Variants in ART3 observed in about 807,000 individuals in gnomAD.
ART3 encodes ADP-ribosyltransferase 3 (inactive).
In ART3, 49 loss-of-function variants were observed where a neutral mutation model predicts 48.5. The ratio of observed to expected loss-of-function variants is 1.01; its 90% CI spans 0.80 to 1.28. ART3 has a LOEUF of 1.28. Ranked by LOEUF, ART3 falls within the 50% of genes most tolerant of loss-of-function variation. ART3 has a pLI of 0.00. For synonymous variants in ART3, 145 were observed against 157.2 expected (o/e 0.92, Z 0.58); for missense variants, 438 against 454.3 (o/e 0.96, Z 0.33).
At chr4:76,052,501 C>A (rs1736209086) in intron 1 of ART3, among the ~76,000 whole-genome samples, 4 of 152,078 alleles carry the variant, frequency 2.6e-5, no homozygotes, top group African/African-American at 7.2e-5. Context: ...AATTTTGTTA[C>A]ATGGATATAT....
At chr4:76,048,750 C>T (rs569630598) in intron 1 of ART3, among the ~76,000 whole-genome samples, 5 of 152,064 alleles carry the variant, frequency 3.3e-5, no homozygotes, top group African/African-American at 4.8e-5. Context: ...AATGCATTCT[C>T]GAAAACCTGC....
intron 3 of ART3, among the ~76,000 whole-genome samples, chr4:76,092,450 T>C (rs1725107689): frequency 6.6e-6 from 1 of 152,226 alleles, no homozygotes; most frequent in Non-Finnish European, 1.5e-5. Context: ...ACAAATTTAC[T>C]GTTCCTCTGT....
Position 76,096,159 on chromosome 4 carries a change from G to A in ART3, c.782-1485G>A, listed in dbSNP as rs185459030. On this transcript the variant is annotated intron_variant, in intron 3 of 11. Coordinates refer to ENST00000355810, the MANE Select transcript of ART3 (RefSeq NM_001130016.3). ...GCTGGTGTCTAACTCCTGACCTCAG[G>A]TGATCCACCCGCCCTTGGTCTCCCA... is the stretch of plus-strand genomic sequence containing the variant. Among the ~76,000 whole-genome samples the A allele has an allele frequency of 2.4e-3, 359 of 152,268 alleles. 2 individuals carry two copies. Among genetic ancestry groups the A allele is most frequent in the Non-Finnish European group, 4.1e-3 (277 of 68,022 alleles).
intron 1 of ART3, among the ~76,000 whole-genome samples, chr4:76,066,825 A>G (rs1719781282): frequency 1.3e-5 from 2 of 152,108 alleles, no homozygotes; most frequent in South Asian, 4.1e-4. Context: ...ACTACTCATG[A>G]CGCCCAGGCT....
chr4:76,047,453 A>AG (rs1735617591), intron 1 of ART3, among the ~76,000 whole-genome samples: 2 of 151,944 alleles, frequency 1.3e-5, no homozygotes, highest in South Asian at 4.2e-4. Context: ...CTTACCCCCG[A>AG]GTGATTCAGG....
chr4:76,043,192 T>C (rs888019924), intron 1 of ART3, among the ~76,000 whole-genome samples: 3 of 152,042 alleles, frequency 2.0e-5, no homozygotes, highest in Non-Finnish European at 4.4e-5. Flanking sequence ...ATAAAGGTTC[T>C]CCACGTCCCC....
At chr4:76,096,595 G>A (rs1726063583) in intron 3 of ART3, among the ~76,000 whole-genome samples, 2 of 152,104 alleles carry the variant, frequency 1.3e-5, no homozygotes, top group Non-Finnish European at 2.9e-5. Context: ...CTTCCGTATG[G>A]CTCATACTGC....
At chr4:76,072,188 C>A (rs1022175641), upstream of ART3, among the ~76,000 whole-genome samples, 1 of 152,210 alleles carries the variant, frequency 6.6e-6, no homozygotes, top group Non-Finnish European at 1.5e-5. Context: ...TCTGAGATTA[C>A]AAACACTTTA....
At chr4:76,021,979 T>G (rs565041219) in intron 1 of ART3, 1 of 1,589,928 alleles carries the variant, frequency 6.3e-7, no homozygotes, top group African/African-American at 1.3e-5. Context: ...TATAAAAGTG[T>G]GATAGTCTGA....
intron 1 of ART3, among the ~76,000 whole-genome samples, chr4:76,046,083 A>G (rs1237417504): frequency 6.7e-6 from 1 of 150,104 alleles, no homozygotes; most frequent in Non-Finnish European, 1.5e-5. Context: ...TCATCCACAT[A>G]TTGAAGGACC....
intron 11 of ART3, 126 bp downstream of exon 11, chr4:76,107,919 G>A (rs761311750): frequency 1.9e-5 from 13 of 690,638 alleles, no homozygotes; most frequent in South Asian, 1.4e-4. Context: ...TAATAACAGA[G>A]TATAATGTCA....
intron 1 of ART3, among the ~76,000 whole-genome samples, chr4:76,039,051 C>A (rs560721217): frequency 6.6e-6 from 1 of 151,732 alleles, no homozygotes; most frequent in South Asian, 2.1e-4. Context: ...AACAAGTTAC[C>A]TCAACTTTTT....
At chr4:76,044,289 C>T (rs1236755650) in intron 1 of ART3, among the ~76,000 whole-genome samples, 7 of 152,098 alleles carry the variant, frequency 4.6e-5, no homozygotes, top group South Asian at 2.1e-4. Flanking sequence ...ATACTATCCC[C>T]GACTGGTTAG....
intron 1 of ART3, among the ~76,000 whole-genome samples, chr4:76,037,327 G>A (rs1578265527): frequency 6.6e-6 from 1 of 152,114 alleles, no homozygotes; most frequent in Admixed American, 6.5e-5. Context: ...TATCAAAGGA[G>A]CTTTCTAATG....
chr4:76,025,539 T>C (rs989368069), intron 1 of ART3, among the ~76,000 whole-genome samples: 2 of 152,238 alleles, frequency 1.3e-5, no homozygotes, highest in African/African-American at 4.8e-5. Flanking sequence ...ATTGACCATA[T>C]TGACTCATTT....
chr4:76,040,448 A>ACACGCG lies in ART3; in HGVS notation c.-10+29131_-10+29132insGCGCAC, dbSNP rs766890498. Among the ~76,000 whole-genome samples the ACACGCG allele has an allele frequency of 6.1e-4, 90 of 146,504 alleles. 1 individual carries two copies. The East Asian group carries it at 8.3e-3, about 14-fold the overall frequency. On this transcript the variant is annotated intron_variant, in intron 1 of 9. Coordinates refer to the ART3 transcript ENST00000341029. ...GCACATACACTGGATACACACACAC[A>ACACGCG]CACACACACACACACACACACACAC...
At chr4:76,069,826 TTTATA>T (rs769012290), upstream of ART3, among the ~76,000 whole-genome samples, 5 of 150,772 alleles carry the variant, frequency 3.3e-5, no homozygotes, top group Admixed American at 6.6e-5. Context: ...TATATTTATA[TTTATA>T]TTATATTATA....
chr4:76,104,564 C>T (rs1406940344), intron 9 of ART3, 33 bp from the exon 10 acceptor site: 1 of 1,551,474 alleles, frequency 6.4e-7, no homozygotes, highest in East Asian at 2.4e-5. Context: ...GTGGAGCAAA[C>T]TGTAAGTCAT....
intron 3 of ART3, among the ~76,000 whole-genome samples, chr4:76,095,579 A>G (rs556449462): frequency 4.6e-5 from 7 of 152,356 alleles, no homozygotes; most frequent in African/African-American, 1.7e-4. Flanking sequence ...AATTTTGTGC[A>G]TAAAAATCAC....
Sources: gnomAD v4.1 joint callset for allele counts (sites outside exome capture counted in the v4.1 genomes callset) on GRCh38, gnomAD v4.1.1 for gene constraint, MANE v1.5 for transcripts, NCBI Gene and HGNC (gene_info 2026-07-23, HGNC 2026-07-21) for gene names.